CNTN5: variants seen among roughly 807,000 people sequenced by gnomAD.
The protein encoded by CNTN5 is contactin-5.
CNTN5 carries 77 observed loss-of-function variants against 129.1 expected under a neutral mutation model. The observed-to-expected ratio is 0.60, with a 90% CI of 0.50 to 0.72. CNTN5 has a LOEUF of 0.72. Ranked by LOEUF, CNTN5 falls within the 30% of genes least tolerant of loss-of-function variation. The probability of loss-of-function intolerance (pLI) is 0.00; values close to 1 mark genes in which losing one functional copy is unlikely to be tolerated. For missense variants in CNTN5, 1,478 were observed against 1,328.8 expected, an observed-to-expected ratio of 1.11 and a Z score of -1.75; for synonymous variants, 509 against 465.6, an observed-to-expected ratio of 1.09 and a Z score of -1.20.
intron 4 of CNTN5, among the ~76,000 whole-genome samples, chr11:99,830,820 A>G (rs1167587024): frequency 6.6e-6 from 1 of 152,142 alleles, no homozygotes; most frequent in Non-Finnish European, 1.5e-5. Context: ...GTGAGCAAAT[A>G]CCATTTCATA....
At chr11:99,233,452 T>A (rs1861106485) in intron 1 of CNTN5, among the ~76,000 whole-genome samples, 2 of 152,180 alleles carry the variant, frequency 1.3e-5, no homozygotes, top group African/African-American at 4.8e-5. Context: ...AATAACATAC[T>A]GGTATAAATT....
chr11:99,925,817 G>A (rs1950048331), intron 7 of CNTN5, among the ~76,000 whole-genome samples: 1 of 151,918 alleles, frequency 6.6e-6, no homozygotes, highest in African/African-American at 2.4e-5. Flanking sequence ...AGACAGATAA[G>A]ATATAAGTAA....
chr11:99,727,312 C>CAAAAAAAAAAAAAAAAAAAAAAA (rs397936738), intron 3 of CNTN5, among the ~76,000 whole-genome samples: 18 of 24,244 alleles, frequency 7.4e-4, no homozygotes, highest in East Asian at 3.7e-3. Flanking sequence ...GACTCCGTCT[C>CAAAAAAAAAAAAAAAAAAAAAAA]AAAAAAAAAA....
At chr11:99,700,950 G>A (rs932177931) in intron 3 of CNTN5, among the ~76,000 whole-genome samples, 2 of 151,140 alleles carry the variant, frequency 1.3e-5, no homozygotes, top group Admixed American at 6.6e-5. Context: ...GAAGACATAG[G>A]GCAGGTGGTT....
intron 1 of CNTN5, among the ~76,000 whole-genome samples, chr11:99,271,057 GATAA>G (rs1261678110): frequency 2.0e-5 from 3 of 151,908 alleles, no homozygotes; most frequent in African/African-American, 4.8e-5. Context: ...ATATTTGCTA[GATAA>G]ATGAATGAAT....
chr11:99,432,348 C>T (rs1943405915), intron 2 of CNTN5, among the ~76,000 whole-genome samples: 1 of 152,058 alleles, frequency 6.6e-6, no homozygotes. Context: ...TTTCCAGATA[C>T]CGTCAACTGC....
intron 1 of CNTN5, among the ~76,000 whole-genome samples, chr11:99,257,285 C>T (rs567892196): frequency 2.6e-4 from 39 of 152,236 alleles, no homozygotes; most frequent in African/African-American, 7.9e-4. Context: ...AGGTCAAATT[C>T]CATTTCACAT....
At chr11:100,138,330 G>A (rs1343401304) in intron 13 of CNTN5, among the ~76,000 whole-genome samples, 1 of 151,862 alleles carries the variant, frequency 6.6e-6, no homozygotes, top group Non-Finnish European at 1.5e-5. Flanking sequence ...TACCTACTAT[G>A]TACTAGGCGC....
intron 8 of CNTN5, among the ~76,000 whole-genome samples, chr11:99,977,268 C>T (rs765481017): frequency 6.6e-5 from 10 of 152,196 alleles, no homozygotes; most frequent in Non-Finnish European, 1.5e-4. Flanking sequence ...CAAAACCATT[C>T]ATCAAGTCTC....
rs751891827 is a variant in CNTN5 at position 99,092,185 on chromosome 11, C to G, written c.-210+70915C>G. 1.0e-3 allele frequency among the ~76,000 whole-genome samples: 159 copies of G among 152,046 alleles called. 3 individuals carry two copies. The highest frequency in any genetic ancestry group is 3.1e-4 in the Non-Finnish European group (21 of 67,984). On this transcript the variant is annotated intron_variant, in intron 1 of 24. Transcript: ENST00000524871. ...TATGACTTCTTCAGTATTTTAGGTG[C>G]AATTTTTAAAAGTAGTATCAATATA...
intron 3 of CNTN5, among the ~76,000 whole-genome samples, chr11:99,692,745 C>A (rs1015959659): frequency 3.9e-5 from 6 of 152,024 alleles, no homozygotes; most frequent in African/African-American, 1.4e-4. Context: ...ATTCACAAAA[C>A]AAATGCGTAT....
chr11:99,206,373 G>T (rs936442534), intron 1 of CNTN5, among the ~76,000 whole-genome samples: 2 of 151,988 alleles, frequency 1.3e-5, no homozygotes, highest in African/African-American at 4.8e-5. Context: ...TCCCATAAAA[G>T]AACTTTTCAC....
chr11:100,056,838 A>C lies in CNTN5; in HGVS notation c.981-4374A>C, dbSNP rs182738965. Among the ~76,000 whole-genome samples, 857 of 151,862 alleles carry C rather than the reference A, an allele frequency of 5.6e-3. 5 individuals carry two copies. The highest frequency in any genetic ancestry group is 8.3e-3 in the Non-Finnish European group (560 of 67,720). ...TTGATATGGGTTATTTTAGTGTACA[A>C]GGATTCCATAGGAGGTAAACTGTTC... On this transcript the variant is annotated intron_variant, in intron 9 of 24. Coordinates refer to ENST00000524871, the MANE Select transcript of CNTN5 (RefSeq NM_014361.4).
intron 6 of CNTN5, among the ~76,000 whole-genome samples, chr11:99,914,109 T>C (rs894542223): frequency 5.9e-5 from 9 of 152,042 alleles, no homozygotes; most frequent in African/African-American, 2.2e-4. Flanking sequence ...TATTGGCATG[T>C]ATCTGTAGTC....
chr11:99,636,432 C>T (rs1218312040), intron 3 of CNTN5, among the ~76,000 whole-genome samples: 4 of 151,292 alleles, frequency 2.6e-5, no homozygotes, highest in African/African-American at 9.7e-5. Context: ...GATCCACTTT[C>T]CACCCTTTTC....
chr11:100,339,634 G>A (rs965100293), intron 21 of CNTN5, among the ~76,000 whole-genome samples: 3 of 152,164 alleles, frequency 2.0e-5, no homozygotes, highest in African/African-American at 4.8e-5. Context: ...GCTTGAAGGT[G>A]CAGTTTCACT....
intron 3 of CNTN5, among the ~76,000 whole-genome samples, chr11:99,746,142 T>A (rs965492281): frequency 3.9e-5 from 6 of 152,226 alleles, no homozygotes; most frequent in Admixed American, 6.5e-5. Context: ...ACTAAAAAAA[T>A]CCTTGCCCAA....
intron 3 of CNTN5, among the ~76,000 whole-genome samples, chr11:99,787,259 AAGAGG>A: frequency 1.3e-5 from 2 of 151,790 alleles, no homozygotes; most frequent in Middle Eastern, 6.8e-3. Flanking sequence ...GCACTTTAGA[AAGAGG>A]AGAGAATGTG....
chr11:99,209,378 T>C (rs1486550244), intron 1 of CNTN5, among the ~76,000 whole-genome samples: 1 of 152,150 alleles, frequency 6.6e-6, no homozygotes, highest in African/African-American at 2.4e-5. Context: ...CTTACGATCA[T>C]GGTGGAAGGC....
Sources: gnomAD v4.1 joint callset for allele counts (sites outside exome capture counted in the v4.1 genomes callset) on GRCh38, gnomAD v4.1.1 for gene constraint, MANE v1.5 for transcripts, NCBI Gene and HGNC (gene_info 2026-07-23, HGNC 2026-07-21) for gene names.